PCSK2: variants seen among roughly 807,000 people sequenced by gnomAD.
PCSK2 encodes neuroendocrine convertase 2.
A neutral mutation model predicts 69.7 loss-of-function variants in PCSK2; 14 were observed. The observed-to-expected ratio is 0.20, with a 90% CI of 0.13 to 0.31. The LOEUF (loss-of-function observed/expected upper bound fraction) is 0.31. Ranked by LOEUF, PCSK2 falls within the 10% of genes least tolerant of loss-of-function variation. The probability of loss-of-function intolerance (pLI) is 1.00; values close to 1 mark genes in which losing one functional copy is unlikely to be tolerated. For missense variants in PCSK2, 544 were observed against 842.5 expected (o/e 0.65, Z 4.39); for synonymous variants, 307 against 320.7 (o/e 0.96, Z 0.46).
chr20:17,429,394 G>A (rs745500971), intron 6 of PCSK2, 41 bp from the exon 7 acceptor site: 14 of 1,485,960 alleles, frequency 9.4e-6, no homozygotes, highest in Middle Eastern at 1.7e-4. Context: ...AGCCAAATTC[G>A]TTTCACTGCA....
intron 11 of PCSK2, among the ~76,000 whole-genome samples, chr20:17,479,776 G>A (rs146550255): frequency 0.055 from 7,441 of 134,962 alleles, 186 homozygotes; most frequent in Middle Eastern, 0.078. Context: ...CAGCCTGGGC[G>A]ACAGAGCAAG....
intron 10 of PCSK2, 115 bp from the exon 11 acceptor site, chr20:17,465,211 A>G (rs750441955): frequency 1.5e-5 from 12 of 792,518 alleles, no homozygotes; most frequent in Middle Eastern, 2.2e-4. Context: ...AGAGATTCCA[A>G]AATCTTACAA....
chr20:17,252,172 A>C (rs1047667371), intron 1 of PCSK2, among the ~76,000 whole-genome samples: 5 of 152,162 alleles, frequency 3.3e-5, no homozygotes, highest in Non-Finnish European at 7.4e-5. Context: ...CCCCAGATGC[A>C]AGGGCTGGAA....
intron 2 of PCSK2, among the ~76,000 whole-genome samples, chr20:17,331,379 G>A (rs35547464): frequency 0.025 from 3,760 of 152,264 alleles, 169 homozygotes; most frequent in African/African-American, 0.085. Flanking sequence ...TCACAGCCAA[G>A]AAGAACCTGA....
rs186405377 is a variant in PCSK2 at position 17,323,715 on chromosome 20, C to T, written c.283-34612C>T. 1.4e-3 allele frequency among the ~76,000 whole-genome samples: 217 copies of T among 152,334 alleles called. 4 individuals carry two copies. The highest frequency in any genetic ancestry group is 0.01 in the Middle Eastern group (3 of 294). The stretch of plus-strand genomic sequence containing the variant: ...ATTGCTCAGTTTTCCATGGGCAGCA[C>T]AGGGCACTCATTGCTGTTTCTTTTC... On this transcript the variant is annotated intron_variant, in intron 2 of 11. Transcript: ENST00000262545.
At chr20:17,349,449 C>T (rs891022966) in intron 2 of PCSK2, among the ~76,000 whole-genome samples, 1 of 152,188 alleles carries the variant, frequency 6.6e-6, no homozygotes, top group African/African-American at 2.4e-5. Flanking sequence ...AGAGGAAGAA[C>T]TTACTCTGTC....
chr20:17,310,979 G>A (rs1184014021), intron 2 of PCSK2, among the ~76,000 whole-genome samples: 1 of 137,840 alleles, frequency 7.3e-6, no homozygotes, highest in African/African-American at 2.8e-5. Flanking sequence ...TCCAGCCTGG[G>A]CTACAGAGCA....
At chr20:17,436,991 G>T (rs912158430) in intron 8 of PCSK2, 108 bp downstream of exon 8, 1 of 929,034 alleles carries the variant, frequency 1.1e-6, no homozygotes, top group Admixed American at 2.9e-5. Flanking sequence ...GTGAGTCCAG[G>T]TCCTGCAGGA....
chr20:17,317,753 C>G (rs929840514), intron 2 of PCSK2, among the ~76,000 whole-genome samples: 1 of 151,918 alleles, frequency 6.6e-6, no homozygotes, highest in South Asian at 2.1e-4. Flanking sequence ...ATACTACCCC[C>G]AAAATAAAAG....
At chr20:17,241,947 G>T (rs1160274700) in intron 1 of PCSK2, among the ~76,000 whole-genome samples, 1 of 152,168 alleles carries the variant, frequency 6.6e-6, no homozygotes, top group Non-Finnish European at 1.5e-5. Flanking sequence ...GTTGCCTGAG[G>T]CTAGAAAGAA....
At chr20:17,315,197 A>G (rs772410393) in intron 2 of PCSK2, among the ~76,000 whole-genome samples, 30 of 151,850 alleles carry the variant, frequency 2.0e-4, no homozygotes, top group African/African-American at 7.3e-4. Flanking sequence ...CAAATTTATC[A>G]TAACTGCCTG....
intron 2 of PCSK2, among the ~76,000 whole-genome samples, chr20:17,354,964 C>T (rs16998995): frequency 1.3e-5 from 2 of 152,136 alleles, no homozygotes; most frequent in African/African-American, 2.4e-5. Flanking sequence ...TAAAGGTGTT[C>T]GTCTCTTTCA....
At chr20:17,253,374 C>A (rs1987063535) in intron 1 of PCSK2, among the ~76,000 whole-genome samples, 1 of 152,070 alleles carries the variant, frequency 6.6e-6, no homozygotes, top group African/African-American at 2.4e-5. Context: ...ATTTCTGTCC[C>A]CTCTCAGCCC....
intron 2 of PCSK2, among the ~76,000 whole-genome samples, chr20:17,338,110 C>T (rs571649134): frequency 1.9e-4 from 28 of 150,590 alleles, no homozygotes; most frequent in African/African-American, 6.8e-4. Context: ...CAAGCACTTC[C>T]ACACCTGCAT....
At chr20:17,358,965 T>C (rs1357628310) in intron 3 of PCSK2, among the ~76,000 whole-genome samples, 1 of 152,212 alleles carries the variant, frequency 6.6e-6, no homozygotes, top group Non-Finnish European at 1.5e-5. Context: ...GATGCAGGCC[T>C]GGAGGCACTA....
chr20:17,362,990 C>T (rs963096751), intron 4 of PCSK2, among the ~76,000 whole-genome samples: 13 of 152,248 alleles, frequency 8.5e-5, no homozygotes, highest in Non-Finnish European at 1.6e-4. Context: ...ACTGCATTCT[C>T]TCTCTTAACG....
intron 2 of PCSK2, among the ~76,000 whole-genome samples, chr20:17,340,130 G>T (rs1034633185): frequency 3.9e-5 from 6 of 152,166 alleles, no homozygotes; most frequent in Non-Finnish European, 7.3e-5. Flanking sequence ...ACCTCCTGAG[G>T]CTCCTCAGTA....
intron 1 of PCSK2, among the ~76,000 whole-genome samples, chr20:17,245,970 T>A (rs1986757015): frequency 6.6e-6 from 1 of 152,158 alleles, no homozygotes; most frequent in Admixed American, 6.5e-5. Context: ...CCCAAAGAAC[T>A]CCATAACCTT....
intron 2 of PCSK2, among the ~76,000 whole-genome samples, chr20:17,266,632 C>T (rs1340757076): frequency 3.3e-5 from 5 of 152,122 alleles, no homozygotes; most frequent in Non-Finnish European, 7.3e-5. Flanking sequence ...GAGTTGTATG[C>T]CAGAGACTTC....
Sources: allele counts gnomAD v4.1 joint callset (sites outside exome capture counted in the v4.1 genomes callset), GRCh38; gene constraint gnomAD v4.1.1; transcripts MANE v1.5; gene names NCBI Gene and HGNC (gene_info 2026-07-23, HGNC 2026-07-21).